The following AATF variants were observed in gnomAD, a reference collection of about 807,000 sequenced individuals.
AATF encodes apoptosis antagonizing transcription factor.
A neutral mutation model predicts 63.7 loss-of-function variants in AATF; 48 were observed. That is an observed-to-expected ratio of 0.75 (90% confidence interval 0.60 to 0.96). AATF has a LOEUF of 0.96. Ranked by LOEUF, AATF falls within the 40% of genes least tolerant of loss-of-function variation. The probability of loss-of-function intolerance (pLI) is 0.00; values close to 1 mark genes in which losing one functional copy is unlikely to be tolerated. For synonymous variants in AATF, 258 were observed against 247.7 expected (o/e 1.04, Z -0.39); for missense variants, 639 against 685.7 (o/e 0.93, Z 0.76).
At chr17:36,981,729 T>G (rs2071127113) in intron 4 of AATF, among the ~76,000 whole-genome samples, 1 of 142,814 alleles carries the variant, frequency 7.0e-6, no homozygotes, top group African/African-American at 2.7e-5. Flanking sequence ...TGACAGTCAG[T>G]GTCTCACTGT....
At chr17:37,010,567 TCA>T (rs2071383076) in intron 8 of AATF, among the ~76,000 whole-genome samples, 1 of 152,182 alleles carries the variant, frequency 6.6e-6, no homozygotes, top group African/African-American at 2.4e-5. Flanking sequence ...GTCTCTGCTC[TCA>T]CACAGCATAC....
In AATF at chr17:37,056,742, A is replaced by C; in HGVS notation, c.*78A>C. ...CCAGATGGAGGAAACCAGTGACTTTATGGGGCTGAGCTAGTAGGGAAGCCC... is the reference window on the plus strand; with the variant it reads ...CCAGATGGAGGAAACCAGTGACTTTCTGGGGCTGAGCTAGTAGGGAAGCCC... On this transcript the variant is annotated 3_prime_UTR_variant, in exon 12 of 12. Coordinates refer to ENST00000619387, the MANE Select transcript of AATF (RefSeq NM_012138.4). The C allele has an allele frequency of 6.7e-7, 1 of 1,486,282 alleles. No individual in the cohort carries two copies. The highest frequency in any genetic ancestry group is 1.4e-5 in the African/African-American group (1 of 72,480). The allele number at this position is 1,486,282 out of a possible 1,614,324, so 92.1% of individuals were successfully genotyped here. A position where few individuals can be genotyped will look rare whatever the true frequency, so the allele number is the denominator to read the frequency against.
In AATF at chr17:37,056,595, T is replaced by C; in HGVS notation, c.1620-6T>C. 1 of 1,614,164 alleles carries C rather than the reference T, an allele frequency of 6.2e-7. No individual in the cohort carries two copies. The highest frequency in any genetic ancestry group is 8.5e-7 in the Non-Finnish European group (1 of 1,180,010). ...TGTTAACCAGTTTGCTGTGTTTGTCTTTTAGGACAGAACTGTACCGCTCTC... is the reference window on the plus strand; with the variant it reads ...TGTTAACCAGTTTGCTGTGTTTGTCCTTTAGGACAGAACTGTACCGCTCTC... On this transcript the variant is annotated splice_region_variant and splice_polypyrimidine_tract_variant and intron_variant, in intron 11 of 11. Coordinates refer to ENST00000619387, the MANE Select transcript of AATF (RefSeq NM_012138.4).
Position 36,949,027 on chromosome 17 carries a change from GAT to G in AATF, c.-98_-97del. 8.7e-7 allele frequency: 1 copy of G among 1,152,526 alleles called. No homozygotes were observed. The highest frequency in any genetic ancestry group is 1.2e-6 in the Non-Finnish European group (1 of 809,118). The allele number at this position is 1,152,526 out of a possible 1,614,324, so 71.4% of individuals were successfully genotyped here. On this transcript the variant is annotated 5_prime_UTR_variant, in exon 1 of 12. Transcript: ENST00000619387. ...GGTCTCTGGCGGAGTCGGGGAATCG[GAT>G]CAAGGCGAGAGGATCCGGCAGGGAA...
At chr17:36,951,728 G>T (rs558204590) in intron 2 of AATF, among the ~76,000 whole-genome samples, 1 of 152,098 alleles carries the variant, frequency 6.6e-6, no homozygotes, top group African/African-American at 2.4e-5. Context: ...GAGAAATGGC[G>T]TACATTCAAA....
chr17:36,995,703 G>A (rs2071249575), intron 8 of AATF, among the ~76,000 whole-genome samples: 1 of 151,924 alleles, frequency 6.6e-6, no homozygotes, highest in Non-Finnish European at 1.5e-5. Flanking sequence ...AAGTAGCTGG[G>A]ACTATAGACA....
chr17:37,051,988 C>T (rs1374614096), intron 11 of AATF, among the ~76,000 whole-genome samples: 1 of 152,122 alleles, frequency 6.6e-6, no homozygotes, highest in Non-Finnish European at 1.5e-5. Context: ...CAAGGAAGAG[C>T]CCCTGCTATC....
intron 11 of AATF, among the ~76,000 whole-genome samples, chr17:37,038,827 G>C (rs1440634916): frequency 6.6e-6 from 1 of 152,104 alleles, no homozygotes; most frequent in Non-Finnish European, 1.5e-5. Flanking sequence ...ATCCTTTAAT[G>C]ATAAGTACTG....
At chr17:37,047,886 A>C (rs1414912264) in intron 11 of AATF, among the ~76,000 whole-genome samples, 1 of 152,192 alleles carries the variant, frequency 6.6e-6, no homozygotes, top group Non-Finnish European at 1.5e-5. Context: ...CCTTGTGAAG[A>C]GTTTCAGCTA....
At chr17:37,049,620 A>T (rs1360568031) in intron 11 of AATF, among the ~76,000 whole-genome samples, 1 of 151,846 alleles carries the variant, frequency 6.6e-6, no homozygotes, top group Non-Finnish European at 1.5e-5. Flanking sequence ...AAAAAAAAAA[A>T]AGGGAAAGCT....
chr17:37,050,198 A>G (rs1026034811), intron 11 of AATF, among the ~76,000 whole-genome samples: 1 of 152,130 alleles, frequency 6.6e-6, no homozygotes, highest in East Asian at 1.9e-4. Flanking sequence ...TCCTAAAATG[A>G]CAGAATTGGG....
At chr17:37,020,833 A>ATGATTTCTTTC in intron 9 of AATF, 101 bp from the exon 10 acceptor site, 1 of 920,764 alleles carries the variant, frequency 1.1e-6, no homozygotes, top group South Asian at 1.9e-5. Flanking sequence ...ATGTAGGTTG[A>ATGATTTCTTTC]TGATTTCTTT....
At chr17:37,032,921 T>C (rs1307257156) in intron 11 of AATF, among the ~76,000 whole-genome samples, 1 of 152,216 alleles carries the variant, frequency 6.6e-6, no homozygotes, top group Non-Finnish European at 1.5e-5. Flanking sequence ...TTTAAACATA[T>C]TTACCAAGTG....
At chr17:36,976,961 C>CT (rs1422214169) in intron 4 of AATF, among the ~76,000 whole-genome samples, 3 of 152,088 alleles carry the variant, frequency 2.0e-5, no homozygotes, top group Admixed American at 6.5e-5. Context: ...TTGAGACACT[C>CT]TAAGATAATC....
rs546151878 is a variant in AATF, at chr17:37,035,825, C to T, written c.1619+4140C>T. On this transcript the variant is annotated intron_variant, in intron 11 of 11. Coordinates refer to ENST00000619387, the MANE Select transcript of AATF (RefSeq NM_012138.4). ...GATAGTCTTTAATAGTTGCCAAATA[C>T]ATTTGTGTTAAGGATCTTTATTGCA... Among the ~76,000 whole-genome samples, 10 of 152,262 alleles carry T rather than the reference C, an allele frequency of 6.6e-5. No individual in the cohort carries two copies. In the South Asian group the frequency reaches 1.9e-3, roughly 28 times the overall value.
chr17:36,965,025 T>TA (rs1295048609), intron 4 of AATF, among the ~76,000 whole-genome samples: 17 of 152,208 alleles, frequency 1.1e-4, no homozygotes, highest in African/African-American at 3.4e-4. Flanking sequence ...GGTTTGAAAA[T>TA]ACTGTGCCCT....
intron 7 of AATF, 100 bp from the exon 8 acceptor site, chr17:36,990,674 G>A: frequency 1.3e-6 from 1 of 761,888 alleles, no homozygotes; most frequent in Admixed American, 3.0e-5. Flanking sequence ...ATATCTTAAG[G>A]AAAACAGTGC....
chr17:37,016,185 T>C (rs2071427415), intron 8 of AATF, among the ~76,000 whole-genome samples: 1 of 152,262 alleles, frequency 6.6e-6, no homozygotes, highest in Non-Finnish European at 1.5e-5. Flanking sequence ...CACACATTAG[T>C]GCTCCTTTTC....
chr17:37,044,173 T>C (rs1462566913), intron 11 of AATF, among the ~76,000 whole-genome samples: 1 of 152,202 alleles, frequency 6.6e-6, no homozygotes, highest in Non-Finnish European at 1.5e-5. Flanking sequence ...TGCTGAAATC[T>C]CTCCAAATCA....
Sources: allele counts gnomAD v4.1 joint callset (sites outside exome capture counted in the v4.1 genomes callset), GRCh38; gene constraint gnomAD v4.1.1; transcripts MANE v1.5; gene names NCBI Gene and HGNC (gene_info 2026-07-23, HGNC 2026-07-21).